RBM23: variants seen among roughly 807,000 people sequenced by gnomAD.
The protein encoded by RBM23 is RNA binding motif protein 23, also known as probable RNA-binding protein 23.
A neutral mutation model predicts 56.2 loss-of-function variants in RBM23; 53 were observed. That is an observed-to-expected ratio of 0.94 (90% CI 0.76 to 1.19). The LOEUF is 1.19. Ranked by LOEUF, RBM23 falls within the 50% of genes most tolerant of loss-of-function variation. The pLI, the probability that RBM23 is intolerant of heterozygous loss-of-function variation, is 0.00. For missense variants in RBM23, 642 were observed against 590.3 expected (o/e 1.09, Z -0.91); for synonymous variants, 197 against 198.5 (o/e 0.99, Z 0.06).
chr14:22,907,725 C>G (rs2041812007), intron 4 of RBM23, among the ~76,000 whole-genome samples: 1 of 152,182 alleles, frequency 6.6e-6, no homozygotes, highest in Admixed American at 6.5e-5. Context: ...CAGCCTTAGG[C>G]TGGTCCTTCA....
chr14:22,907,607 T>C (rs1020661307), intron 4 of RBM23, among the ~76,000 whole-genome samples: 2 of 152,236 alleles, frequency 1.3e-5, no homozygotes, highest in Admixed American at 6.5e-5. Context: ...ATAAAACAAT[T>C]ACGTACAGTA....
chr14:22,900,784 T>G lies in RBM23; in HGVS notation c.*946A>C, dbSNP rs1197636732. ...GCTTGCCTTTTGTACAAAGTTTTTA[T>G]GTATATATATATGTATATATATTTA... On this transcript the variant is annotated 3_prime_UTR_variant, in exon 14 of 14. Transcript: ENST00000359890. 13 of 151,578 alleles carry G rather than the reference T, an allele frequency of 8.6e-5. No homozygotes were observed. The highest frequency in any genetic ancestry group is 1.2e-4 in the African/African-American group (5 of 41,156). The allele number at this position is 151,578 out of a possible 1,614,324, so 9.4% of individuals were successfully genotyped here.
intron 10 of RBM23, chr14:22,904,053 C>T: frequency 6.6e-7 from 1 of 1,506,326 alleles, no homozygotes; most frequent in Non-Finnish European, 8.8e-7. Flanking sequence ...ACCCCCATAC[C>T]AGGGCCACTG....
In RBM23 at chr14:22,902,716, T is replaced by TG. The variant is rs2040779484; in HGVS notation, c.931-335dup. On this transcript the variant is annotated intron_variant, in intron 10 of 13. Transcript: ENST00000359890. Reference sequence around the variant, plus strand: ...GAAGACAAGCTAAGAACAAGGCTCCTGGGCTTTTAATTCAGTTCTCTATCC... The same window carrying TG: ...GAAGACAAGCTAAGAACAAGGCTCCTGGGGCTTTTAATTCAGTTCTCTATCC... The TG allele has an allele frequency of 6.2e-6, 6 of 972,214 alleles. No homozygotes were observed. In the South Asian group the frequency reaches 2.4e-4, roughly 39 times the overall value. The allele number at this position is 972,214 out of a possible 1,614,324, so 60.2% of individuals were successfully genotyped here.
chr14:22,914,479 G>A (rs1594413578), intron 1 of RBM23, among the ~76,000 whole-genome samples: 1 of 152,058 alleles, frequency 6.6e-6, no homozygotes, highest in African/African-American at 2.4e-5. Context: ...ATGACACAGC[G>A]AGACTGTCTC....
chr14:22,903,964 A>C (rs1012905439), intron 10 of RBM23: 2 of 1,334,404 alleles, frequency 1.5e-6, no homozygotes, highest in African/African-American at 3.0e-5. Flanking sequence ...TCACACCCCC[A>C]ACCTTTTAGC....
In RBM23 at chr14:22,899,896, A is replaced by T. The variant is rs1421188811; in HGVS notation, c.*1834T>A. 1.3e-5 allele frequency: 2 copies of T among 152,198 alleles called. No individual in the cohort carries two copies. Among genetic ancestry groups the T allele is most frequent in the South Asian group, 2.1e-4 (1 of 4,822 alleles). The allele number at this position is 152,198 out of a possible 1,614,324, so 9.4% of individuals were successfully genotyped here. A position where few individuals can be genotyped will look rare whatever the true frequency, so the allele number is the denominator to read the frequency against. ...CAATTATCCATATTTTTAGCATAAG[A>T]AAGTCTTAGCATTTTGTTGCCATAG... On this transcript the variant is annotated 3_prime_UTR_variant, in exon 14 of 14. Coordinates refer to ENST00000359890, the MANE Select transcript of RBM23 (RefSeq NM_001077351.2).
chr14:22,915,013 T>C (rs939541624), intron 1 of RBM23, among the ~76,000 whole-genome samples: 5 of 151,428 alleles, frequency 3.3e-5, no homozygotes, highest in Non-Finnish European at 7.4e-5. Flanking sequence ...AAGAGGAACT[T>C]TGTCCTCTTT....
chr14:22,902,096 GC>G lies in RBM23; in HGVS notation c.1129del (p.Ala377LeufsTer24). 1 of 1,608,326 alleles carries G rather than the reference GC, an allele frequency of 6.2e-7. No individual in the cohort carries two copies. The highest frequency in any genetic ancestry group is 8.5e-7 in the Non-Finnish European group (1 of 1,176,728). The part of the protein sequence containing the change: ...FQLMAKLAEG[A>X]GIQLPSTAAA... ...AGCAGTGCTTGGCAGTTGGATTCCA[GC>G]GCCTAAAAGGAAAAGAAAAGGTGGG... On this transcript the variant is annotated frameshift_variant and splice_region_variant, in exon 12 of 14. Transcript: ENST00000359890. LOFTEE classifies it high-confidence loss of function.
Position 22,901,857 on chromosome 14 carries a change from A to G in RBM23, c.1273T>C (p.Ser425Pro). The change falls in exon 13 of 14, where the codon TCC becomes CCC. Residue 425 changes from serine (S) to proline (P), a missense_variant. By Grantham distance (74) the Ser-to-Pro change is moderately conservative (BLOSUM62 -1). Transcript: ENST00000359890. ...AGGCTGGAGAGCTGGAAACACTGGG[A>G]GGCAAGGTTCAGGGCTGGACTCAGA... ...TALSPALNLA[S>P]QCFQLSSLFT... The G allele has an allele frequency of 6.2e-7, 1 of 1,614,184 alleles. No homozygotes were observed. The highest frequency in any genetic ancestry group is 8.5e-7 in the Non-Finnish European group (1 of 1,180,022).
intron 1 of RBM23, among the ~76,000 whole-genome samples, chr14:22,915,849 C>T (rs1223464161): frequency 6.6e-6 from 1 of 152,200 alleles, no homozygotes; most frequent in Non-Finnish European, 1.5e-5. Flanking sequence ...GTAACAAATG[C>T]TGCAGACAGG....
chr14:22,910,629 T>G (rs1382824505), intron 2 of RBM23, among the ~76,000 whole-genome samples: 1 of 151,786 alleles, frequency 6.6e-6, no homozygotes, highest in Non-Finnish European at 1.5e-5. Context: ...TCCCAGCACT[T>G]TGGGAGGCCA....
intron 1 of RBM23, among the ~76,000 whole-genome samples, chr14:22,912,781 G>A (rs1371115781): frequency 6.8e-6 from 1 of 147,144 alleles, no homozygotes; most frequent in Non-Finnish European, 1.5e-5. Flanking sequence ...CGAGGTCAAC[G>A]ACGAGGTCAA....
intron 10 of RBM23, 132 bp downstream of exon 10, chr14:22,904,128 TC>T (rs755778033): frequency 1.3e-6 from 2 of 1,559,176 alleles, no homozygotes. Flanking sequence ...AGAAGGCTAG[TC>T]CAAGCTTCAG....
chr14:22,903,673 G>C (rs2041012071), intron 10 of RBM23: 1 of 1,000,086 alleles, frequency 1.0e-6, no homozygotes, highest in Non-Finnish European at 1.2e-6. Flanking sequence ...CTTTGTGGCT[G>C]GCAGCCAGTT....
intron 2 of RBM23, among the ~76,000 whole-genome samples, chr14:22,910,496 T>G (rs146507191): frequency 0.17 from 11,287 of 67,578 alleles, no homozygotes; most frequent in Middle Eastern, 0.24. Context: ...AAGAAAGCGG[T>G]GGGGGGGAAA....
At chr14:22,910,565 G>A (rs1344426011) in intron 2 of RBM23, among the ~76,000 whole-genome samples, 1 of 150,410 alleles carries the variant, frequency 6.6e-6, no homozygotes, top group East Asian at 2.0e-4. Context: ...AAGCAAGCAA[G>A]CAAGCAAGCA....
rs2040194882 is a variant in RBM23 at position 22,893,291 on chromosome 14, T to A, written c.*8439A>T. The stretch of plus-strand genomic sequence containing the variant: ...TTTTCCTGGACATTTTAATCTTTCA[T>A]CCACAAATGCTAGAAGACATTTTGT... On this transcript the variant is annotated 3_prime_UTR_variant, in exon 14 of 14. Transcript: ENST00000359890. 6.6e-6 allele frequency: 1 copy of A among 152,240 alleles called. No homozygotes were observed. Among genetic ancestry groups the A allele is most frequent in the African/African-American group, 2.4e-5 (1 of 41,456 alleles). 9.4% of individuals were successfully genotyped at this position (152,240 alleles called of 1,614,324 possible).
intron 12 of RBM23, 28 bp downstream of exon 12, chr14:22,901,952 T>G (rs186285553): frequency 6.2e-7 from 1 of 1,611,082 alleles, no homozygotes; most frequent in East Asian, 2.2e-5. Flanking sequence ...CCCCAAACCT[T>G]CCCTTCCTTT....
Sources: gnomAD v4.1 joint callset for allele counts (sites outside exome capture counted in the v4.1 genomes callset) on GRCh38, gnomAD v4.1.1 for gene constraint, MANE v1.5 for transcripts, NCBI Gene and HGNC (gene_info 2026-07-23, HGNC 2026-07-21) for gene names.